Variants in REC114 observed in about 807,000 individuals in gnomAD.
REC114 encodes meiotic recombination protein REC114.
In REC114, 27 loss-of-function variants were observed where a neutral mutation model predicts 31.3. The ratio of observed to expected loss-of-function variants is 0.86; its 90% CI spans 0.64 to 1.19. The LOEUF is 1.19. Ranked by LOEUF, REC114 falls within the 50% of genes most tolerant of loss-of-function variation. The probability of loss-of-function intolerance (pLI) is 0.00; values close to 1 mark genes in which losing one functional copy is unlikely to be tolerated. For synonymous variants in REC114, 134 were observed against 127.7 expected (o/e 1.05, Z -0.33); for missense variants, 344 against 326.9 (o/e 1.05, Z -0.40).
intron 5 of REC114, among the ~76,000 whole-genome samples, chr15:73,559,334 A>G (rs1413917949): frequency 6.6e-6 from 1 of 152,226 alleles, no homozygotes; most frequent in African/African-American, 2.4e-5. Context: ...CAGCTAGCAC[A>G]TAGTAGGCTG....
chr15:73,522,941 C>G (rs1893955823), intron 2 of REC114, among the ~76,000 whole-genome samples: 1 of 152,126 alleles, frequency 6.6e-6, no homozygotes, highest in African/African-American at 2.4e-5. Context: ...GCAAGACTTG[C>G]TATTGTCAGT....
At chr15:73,540,788 C>G (rs1425038832) in intron 3 of REC114, among the ~76,000 whole-genome samples, 1 of 152,190 alleles carries the variant, frequency 6.6e-6, no homozygotes, top group Non-Finnish European at 1.5e-5. Flanking sequence ...ATGGATTTCT[C>G]AGTATGCGTC....
intron 2 of REC114, among the ~76,000 whole-genome samples, chr15:73,476,730 A>G (rs1005527191): frequency 6.6e-6 from 1 of 152,158 alleles, no homozygotes; most frequent in African/African-American, 2.4e-5. Context: ...CTTTTCATTA[A>G]TGAAGAATAT....
At chr15:73,478,860 T>C (rs567307923) in intron 2 of REC114, among the ~76,000 whole-genome samples, 7 of 152,336 alleles carry the variant, frequency 4.6e-5, no homozygotes, top group Admixed American at 2.0e-4. Context: ...AATAGTTTGT[T>C]GCTGATGTTT....
Position 73,443,357 on chromosome 15 carries a change from G to A in REC114, c.159+13G>A. ...CCCCACATGGAAGGTGAGGCCCGAA[G>A]GCAGGAATATCCCTGAGGTGCCCAC... On this transcript the variant is annotated intron_variant, in intron 1 of 5. Coordinates refer to ENST00000331090, the MANE Select transcript of REC114 (RefSeq NM_001042367.2). The A allele has an allele frequency of 6.4e-7, 1 of 1,559,572 alleles. No individual in the cohort carries two copies. Among genetic ancestry groups the A allele is most frequent in the South Asian group, 1.2e-5 (1 of 84,432 alleles).
intron 1 of REC114, among the ~76,000 whole-genome samples, chr15:73,450,408 A>G (rs1024261373): frequency 6.6e-6 from 1 of 152,240 alleles, no homozygotes; most frequent in Non-Finnish European, 1.5e-5. Flanking sequence ...ATAATGGTAA[A>G]GGGATCAATG....
chr15:73,447,921 G>T (rs1041301690), intron 1 of REC114, among the ~76,000 whole-genome samples: 5 of 152,096 alleles, frequency 3.3e-5, no homozygotes, highest in Admixed American at 6.6e-5. Flanking sequence ...GCCAAGGGAA[G>T]CCGTGAGAGA....
chr15:73,450,841 C>T (rs1892835991), intron 1 of REC114, among the ~76,000 whole-genome samples: 1 of 152,198 alleles, frequency 6.6e-6, no homozygotes, highest in South Asian at 2.1e-4. Context: ...TCACTCAAAA[C>T]CGCACAACTA....
chr15:73,485,578 G>A (rs540190943), intron 2 of REC114, among the ~76,000 whole-genome samples: 69 of 152,266 alleles, frequency 4.5e-4, no homozygotes, highest in African/African-American at 1.6e-3. Flanking sequence ...TATTGAGTGA[G>A]TTCTCGTGAG....
intron 2 of REC114, among the ~76,000 whole-genome samples, chr15:73,515,994 T>C (rs978247575): frequency 2.4e-4 from 36 of 152,042 alleles, no homozygotes; most frequent in African/African-American, 1.4e-4. Flanking sequence ...TTTTTCTTTT[T>C]TTTTTTTTGG....
rs1360782137 is a variant in REC114 at position 73,443,259 on chromosome 15, G to A, written c.74G>A (p.Arg25Gln). ...GGEAAEWPLQRYARCIPSNTR... is the reference protein window; with the variant it reads ...GGEAAEWPLQQYARCIPSNTR... ...GAAGCGGCAGAGTGGCCTCTGCAGC[G>A]GTACGCCCGCTGCATACCCTCAAAC... The change falls in exon 1 of 6, where the codon CGG becomes CAG. Residue 25 changes from arginine to glutamine, a missense_variant. Transcript: ENST00000331090. 5.7e-6 allele frequency: 9 copies of A among 1,573,722 alleles called. No individual in the cohort carries two copies. In the East Asian group the frequency reaches 7.1e-5, roughly 12 times the overall value.
chr15:73,516,635 A>G (rs1433399632), intron 2 of REC114, among the ~76,000 whole-genome samples: 1 of 152,062 alleles, frequency 6.6e-6, no homozygotes, highest in Non-Finnish European at 1.5e-5. Context: ...GAGAGGTGCT[A>G]TAAAGCTATA....
intron 2 of REC114, among the ~76,000 whole-genome samples, chr15:73,496,150 G>A (rs1218813384): frequency 6.6e-6 from 1 of 151,558 alleles, no homozygotes; most frequent in African/African-American, 2.4e-5. Flanking sequence ...TCAAGAGATT[G>A]AGACCATCCT....
intron 4 of REC114, among the ~76,000 whole-genome samples, chr15:73,556,072 G>A (rs868402327): frequency 1.3e-5 from 2 of 152,158 alleles, no homozygotes; most frequent in South Asian, 4.1e-4. Flanking sequence ...AACTGCTGAG[G>A]AACATCAAAT....
chr15:73,500,298 CTT>C (rs996721241), intron 2 of REC114, among the ~76,000 whole-genome samples: 18 of 149,300 alleles, frequency 1.2e-4, no homozygotes, highest in African/African-American at 4.4e-4. Flanking sequence ...GTAATAACCT[CTT>C]ATCTTCTTCA....
At position 73,550,967 on chromosome 15, in the gene REC114, C is replaced by G. The variant is rs747584659; in HGVS notation, c.363C>G (p.Phe121Leu). Residue 121 changes from phenylalanine (F) to leucine (L), a missense_variant, in exon 4 of 6, where the codon TTC (phenylalanine) becomes TTG (leucine). Phe to Leu is a conservative substitution (Grantham distance 22, BLOSUM62 0). Coordinates refer to ENST00000331090, the MANE Select transcript of REC114 (RefSeq NM_001042367.2). ...KDKSRLFRVQ[F>L]SGESKEQALE... The stretch of plus-strand genomic sequence containing the variant: ...AGAGTCGCCTGTTTCGAGTACAGTT[C>G]AGTGGAGAGTCAAAGGAGCAGGCGC... 6.2e-7 allele frequency: 1 copy of G among 1,613,824 alleles called. No homozygotes were observed. The highest frequency in any genetic ancestry group is 1.7e-5 in the Admixed American group (1 of 60,008).
intron 2 of REC114, among the ~76,000 whole-genome samples, chr15:73,531,798 C>A (rs1032769393): frequency 6.6e-6 from 1 of 152,148 alleles, no homozygotes; most frequent in Non-Finnish European, 1.5e-5. Context: ...AGACTCCATG[C>A]AGATTTGACA....
intron 1 of REC114, among the ~76,000 whole-genome samples, chr15:73,447,351 C>G (rs1175690611): frequency 6.6e-6 from 1 of 152,124 alleles, no homozygotes. Context: ...AGATTCGGGA[C>G]CAAGCTTAAA....
intron 2 of REC114, among the ~76,000 whole-genome samples, chr15:73,540,134 C>A (rs1227299183): frequency 6.6e-6 from 1 of 152,024 alleles, no homozygotes; most frequent in Non-Finnish European, 1.5e-5. Flanking sequence ...TATAATGGAA[C>A]CCTTGATTTG....
Sources: allele counts gnomAD v4.1 joint callset (sites outside exome capture counted in the v4.1 genomes callset), GRCh38; gene constraint gnomAD v4.1.1; transcripts MANE v1.5; gene names NCBI Gene and HGNC (gene_info 2026-07-23, HGNC 2026-07-21).